PATJ: variants seen among roughly 807,000 people sequenced by gnomAD.
PATJ encodes inaD-like protein.
A neutral mutation model predicts 224.9 loss-of-function variants in PATJ; 190 were observed. The ratio of observed to expected loss-of-function variants is 0.84; its 90% CI spans 0.75 to 0.95. PATJ has a LOEUF of 0.95. Among genes scored for constraint, PATJ ranks in the 40% least tolerant of loss-of-function variants. The probability of loss-of-function intolerance (pLI) is 0.00; values close to 1 mark genes in which losing one functional copy is unlikely to be tolerated. For missense variants in PATJ, 2,121 were observed against 2,270.3 expected (o/e 0.93, Z 1.34); for synonymous variants, 769 against 820.3 (o/e 0.94, Z 1.07).
chr1:62,050,856 A>G, intron 30 of PATJ, 110 bp from the exon 31 acceptor site: 2 of 778,294 alleles, frequency 2.6e-6, no homozygotes, highest in South Asian at 3.4e-5. Flanking sequence ...CAGAGGAAAC[A>G]ATATCCACCA....
intron 1 of PATJ, among the ~76,000 whole-genome samples, chr1:61,748,607 C>G (rs2148160777): frequency 6.6e-6 from 1 of 152,280 alleles, no homozygotes; most frequent in Non-Finnish European, 1.5e-5. Flanking sequence ...AACCTCCTCC[C>G]TTATACTCAC....
chr1:61,906,833 C>T (rs1359662424), intron 24 of PATJ, among the ~76,000 whole-genome samples: 2 of 152,124 alleles, frequency 1.3e-5, no homozygotes, highest in African/African-American at 4.8e-5. Context: ...TTAGTTTTGC[C>T]TTGCTGTCCT....
intron 33 of PATJ, among the ~76,000 whole-genome samples, chr1:62,107,134 G>T (rs148175994): frequency 6.6e-6 from 1 of 151,822 alleles, no homozygotes; most frequent in Non-Finnish European, 1.5e-5. Flanking sequence ...GTGAAACCCC[G>T]TCTCTACTAA....
chr1:61,971,060 T>A (rs190678663), intron 27 of PATJ, among the ~76,000 whole-genome samples: 105 of 151,998 alleles, frequency 6.9e-4, no homozygotes, highest in African/African-American at 2.4e-3. Context: ...GTTTTTAAAG[T>A]TTTTTTCACA....
At chr1:61,983,150 A>C (rs115882516) in intron 27 of PATJ, among the ~76,000 whole-genome samples, 1,744 of 152,096 alleles carry the variant, frequency 0.011, 68 homozygotes, top group African/African-American at 0.039. Context: ...TGGTGAAAAC[A>C]TAGCAATTAA....
Position 61,780,727 on chromosome 1 carries a change from A to G in PATJ, c.849+5393A>G, listed in dbSNP as rs143403181. On this transcript the variant is annotated intron_variant, in intron 7 of 43. Coordinates refer to ENST00000642238, the MANE Select transcript of PATJ (RefSeq NM_001350145.3). Reference sequence around the variant, plus strand: ...AACAAAGGGTCAAGTAAATTTAAACAAAATCCAATAGGTTTCTTTACTGTA... The same window carrying G: ...AACAAAGGGTCAAGTAAATTTAAACGAAATCCAATAGGTTTCTTTACTGTA... 7.0e-4 allele frequency among the ~76,000 whole-genome samples: 107 copies of G among 152,308 alleles called. 1 individual carries two copies. The highest frequency in any genetic ancestry group is 3.4e-3 in the Middle Eastern group (1 of 294).
At chr1:62,103,888 C>A (rs943459616) in intron 33 of PATJ, among the ~76,000 whole-genome samples, 1 of 152,146 alleles carries the variant, frequency 6.6e-6, no homozygotes, top group African/African-American at 2.4e-5. Context: ...AGTCTTCCCC[C>A]CAAGTCCCAC....
chr1:61,801,925 CT>C (rs1036347925), intron 12 of PATJ, among the ~76,000 whole-genome samples, 156 bp downstream of exon 12: 196 of 133,564 alleles, frequency 1.5e-3, no homozygotes, highest in African/African-American at 1.9e-3. Context: ...GACAGAGTTT[CT>C]TTTTTTTTTC....
intron 1 of PATJ, among the ~76,000 whole-genome samples, chr1:61,754,520 G>GTTTTTTTTTTTTTTTTTT (rs548557219): frequency 1.1e-5 from 1 of 94,448 alleles, no homozygotes; most frequent in Non-Finnish European, 2.1e-5. Flanking sequence ...TTTTTTGCAT[G>GTTTTTTTTTTTTTTTTTT]TTTTTTTTTT....
At chr1:62,036,159 G>T (rs745524801) in intron 29 of PATJ, among the ~76,000 whole-genome samples, 1 of 152,174 alleles carries the variant, frequency 6.6e-6, no homozygotes, top group South Asian at 2.1e-4. Flanking sequence ...TTAGAAATAT[G>T]ATCAGTTTTA....
chr1:61,869,352 C>T (rs780522755), intron 20 of PATJ, among the ~76,000 whole-genome samples: 2 of 151,952 alleles, frequency 1.3e-5, no homozygotes, highest in African/African-American at 2.4e-5. Flanking sequence ...GTGATCCGCC[C>T]GCCTCGGCCT....
chr1:61,951,743 A>AG (rs1222969896), intron 27 of PATJ, among the ~76,000 whole-genome samples: 2 of 152,092 alleles, frequency 1.3e-5, no homozygotes, highest in Non-Finnish European at 2.9e-5. Flanking sequence ...GAATCTCGCT[A>AG]GGGGAGAGAT....
rs148389720 is a variant in PATJ, at chr1:61,980,437, TTGTGTGTGTGTGTGTGTG to T, written c.3671-9706_3671-9689del. ...TGCCAAAAGCTAGTACTTATATAAT[TTGTGTGTGTGTGTGTGTG>T]TGTGTGTGTGTGTGTGTGTGTGTGG... On this transcript the variant is annotated intron_variant, in intron 27 of 43. Transcript: ENST00000642238. 4.8e-4 allele frequency among the ~76,000 whole-genome samples: 62 copies of T among 129,740 alleles called. 2 individuals carry two copies. The highest frequency in any genetic ancestry group is 1.5e-3 in the African/African-American group (51 of 33,088). The allele number at this position is 129,740 out of a possible 152,430, so 85.1% of individuals were successfully genotyped here. A position where few individuals can be genotyped will look rare whatever the true frequency, so the allele number is the denominator to read the frequency against.
At chr1:61,949,149 A>T (rs535997195) in intron 27 of PATJ, among the ~76,000 whole-genome samples, 1 of 152,142 alleles carries the variant, frequency 6.6e-6, no homozygotes, top group South Asian at 2.1e-4. Flanking sequence ...ACAACATGAC[A>T]CATGTATATA....
At chr1:61,939,862 C>G (rs920564263) in intron 27 of PATJ, among the ~76,000 whole-genome samples, 1 of 151,476 alleles carries the variant, frequency 6.6e-6, no homozygotes, top group Non-Finnish European at 1.5e-5. Context: ...TTAGTAGAGA[C>G]ATGGTTCCAC....
At chr1:62,138,603 A>C (rs1283927657) in intron 41 of PATJ, among the ~76,000 whole-genome samples, 1 of 152,044 alleles carries the variant, frequency 6.6e-6, no homozygotes. Flanking sequence ...CACTGCACCC[A>C]GCCAAGAAGG....
chr1:61,769,570 T>G, intron 5 of PATJ, 148 bp downstream of exon 5: 1 of 802,696 alleles, frequency 1.2e-6, no homozygotes, highest in Non-Finnish European at 2.0e-6. Context: ...TGTCAGGCCT[T>G]TTGCGAAAAT....
intron 30 of PATJ, among the ~76,000 whole-genome samples, chr1:62,045,337 G>A (rs560990854): frequency 2.6e-5 from 4 of 152,042 alleles, no homozygotes; most frequent in South Asian, 4.2e-4. Context: ...ATCAAGATTC[G>A]CTGTTCAGTT....
intron 41 of PATJ, among the ~76,000 whole-genome samples, chr1:62,129,922 G>A (rs756599462): frequency 2.6e-5 from 4 of 152,170 alleles, no homozygotes; most frequent in African/African-American, 7.2e-5. Flanking sequence ...CTGGGTGACA[G>A]AGTGAGACTG....
Sources: gnomAD v4.1 joint callset for allele counts (sites outside exome capture counted in the v4.1 genomes callset) on GRCh38, gnomAD v4.1.1 for gene constraint, MANE v1.5 for transcripts, NCBI Gene and HGNC (gene_info 2026-07-23, HGNC 2026-07-21) for gene names.